Variants in DUOX1 observed in about 807,000 individuals in gnomAD.
The protein encoded by DUOX1 is NADPH thyroid oxidase 1.
A neutral mutation model predicts 181.8 loss-of-function variants in DUOX1; 134 were observed. The observed-to-expected ratio is 0.74, with a 90% CI of 0.64 to 0.85. The LOEUF (loss-of-function observed/expected upper bound fraction) is 0.85, where lower values mean the gene tolerates loss of function less well. DUOX1 is among the 40% of genes least tolerant of loss of function. The pLI, the probability that DUOX1 is intolerant of heterozygous loss-of-function variation, is 0.00. For missense variants in DUOX1, 1,814 were observed against 2,064.4 expected, an observed-to-expected ratio of 0.88 and a Z score of 2.35; for synonymous variants, 798 against 832.5, an observed-to-expected ratio of 0.96 and a Z score of 0.71.
At chr15:45,139,884 C>G (rs936844884) in intron 12 of DUOX1, 2 of 566,972 alleles carry the variant, frequency 3.5e-6, no homozygotes, top group Non-Finnish European at 6.2e-6. Context: ...GTTCTCTCCA[C>G]CCTCCTGAGT....
intron 9 of DUOX1, among the ~76,000 whole-genome samples, chr15:45,136,833 G>A (rs372869666): frequency 1.3e-5 from 2 of 151,300 alleles, no homozygotes; most frequent in East Asian, 3.9e-4. Flanking sequence ...TGCTGCTGGT[G>A]TAGATATTAC....
rs921386079 is a variant in DUOX1 at position 45,138,857 on chromosome 15, A to T, written c.1114-209A>T. 1.2e-5 allele frequency: 7 copies of T among 577,112 alleles called. No individual in the cohort carries two copies. In the African/African-American group the frequency reaches 1.3e-4, roughly 11 times the overall value. 35.7% of individuals were successfully genotyped at this position (577,112 alleles called of 1,614,324 possible). On this transcript the variant is annotated intron_variant, in intron 10 of 33. Coordinates refer to ENST00000389037, the MANE Select transcript of DUOX1 (RefSeq NM_175940.3). ...ATTTTAAGATCCCTTGTGCTTGTAT[A>T]GACCTCTGTCAGGCAGCACTGACAG...
intron 14 of DUOX1, 38 bp downstream of exon 14, chr15:45,141,448 T>C (rs1648283): frequency 8.7e-6 from 14 of 1,605,268 alleles, no homozygotes; most frequent in South Asian, 3.3e-5. Context: ...GTGGTGGGTC[T>C]GGAGCCTCGT....
chr15:45,139,367 G>T, intron 11 of DUOX1, 60 bp from the exon 12 acceptor site: 1 of 1,598,626 alleles, frequency 6.3e-7, no homozygotes, highest in Non-Finnish European at 8.5e-7. Context: ...TTGGGGCCTG[G>T]ACTGGACACT....
intron 23 of DUOX1, 37 bp from the exon 24 acceptor site, chr15:45,151,837 T>G: frequency 6.3e-7 from 1 of 1,587,864 alleles, no homozygotes; most frequent in South Asian, 1.1e-5. Flanking sequence ...TTGGGTCCCA[T>G]GGTGGGTGCC....
chr15:45,150,615 C>T lies in DUOX1; in HGVS notation c.2819-17C>T, dbSNP rs1157408935. Reference sequence around the variant, plus strand: ...TCTGGACCCTGAGCTGCTCCCTAGCCTGGCTCTGCTTTGCAGGGGTGGAGG... The same window carrying T: ...TCTGGACCCTGAGCTGCTCCCTAGCTTGGCTCTGCTTTGCAGGGGTGGAGG... On this transcript the variant is annotated splice_polypyrimidine_tract_variant and intron_variant, in intron 21 of 33. Coordinates refer to ENST00000389037, the MANE Select transcript of DUOX1 (RefSeq NM_175940.3). The T allele has an allele frequency of 1.2e-6, 2 of 1,613,406 alleles. No homozygotes were observed. The highest frequency in any genetic ancestry group is 2.2e-5 in the South Asian group (2 of 91,072).
At chr15:45,161,038 C>G (rs767537191) in intron 29 of DUOX1, 48 bp downstream of exon 29, 2 of 1,611,332 alleles carry the variant, frequency 1.2e-6, no homozygotes, top group African/African-American at 2.7e-5. Context: ...GGGAGCTGAC[C>G]GGGCAGAGGC....
Position 45,144,050 on chromosome 15 carries a change from G to A in DUOX1, c.1951G>A (p.Gly651Ser), listed in dbSNP as rs778247765. Residue 651 changes from glycine to serine, a missense_variant, in exon 17 of 34, where the codon GGC (glycine) becomes AGC (serine). This residue lies in a region of DUOX1 where 1,064 missense variants were observed against 1,152.9 expected (regional missense o/e 0.92). Transcript: ENST00000389037. Reference sequence around the variant, plus strand: ...TCTCCCCCTAGCTTTGGAATGGCAAGGCCACAAGGAGCCCTGCCGGCCCGT... The same window carrying A: ...TCTCCCCCTAGCTTTGGAATGGCAAAGCCACAAGGAGCCCTGCCGGCCCGT... ...VGGMEALEWQ[G>S]HKEPCRPVLV... 1 of 1,613,974 alleles carries A rather than the reference G, an allele frequency of 6.2e-7. No homozygotes were observed. Among genetic ancestry groups the A allele is most frequent in the Admixed American group, 1.7e-5 (1 of 60,024 alleles).
At position 45,152,252 on chromosome 15, in the gene DUOX1, G is replaced by A. The variant is rs762271978; in HGVS notation, c.3194-34G>A. 2.5e-6 allele frequency: 4 copies of A among 1,588,490 alleles called. No individual in the cohort carries two copies. In the South Asian group the frequency reaches 4.6e-5, roughly 18 times the overall value. On this transcript the variant is annotated intron_variant, in intron 24 of 33. Transcript: ENST00000389037. ...TAACCAGCTCTCTGTCCTCTGCACT[G>A]ACCCTCGCTTGCCTGCCTGGGCCCC... is the stretch of plus-strand genomic sequence containing the variant.
Position 45,150,627 on chromosome 15 carries a change from T to C in DUOX1, c.2819-5T>C, listed in dbSNP as rs1424751715. The C allele has an allele frequency of 1.2e-6, 2 of 1,613,730 alleles. No homozygotes were observed. Among genetic ancestry groups the C allele is most frequent in the Non-Finnish European group, 1.7e-6 (2 of 1,179,990 alleles). ...GCTGCTCCCTAGCCTGGCTCTGCTT[T>C]GCAGGGGTGGAGGTGCCTGAAGTCA... On this transcript the variant is annotated splice_region_variant and splice_polypyrimidine_tract_variant and intron_variant, in intron 21 of 33. Coordinates refer to ENST00000389037, the MANE Select transcript of DUOX1 (RefSeq NM_175940.3).
intron 23 of DUOX1, 80 bp from the exon 24 acceptor site, chr15:45,151,794 G>T: frequency 6.9e-7 from 1 of 1,446,020 alleles, no homozygotes; most frequent in African/African-American, 1.4e-5. Context: ...ACTTCTGGGC[G>T]GCTCACCTCC....
chr15:45,144,640 C>T (rs535136764), intron 17 of DUOX1, among the ~76,000 whole-genome samples: 3 of 152,340 alleles, frequency 2.0e-5, no homozygotes, highest in Admixed American at 6.5e-5. Context: ...CATCCTCTGG[C>T]CTTCCTGCCC....
At chr15:45,132,756 C>T (rs1006049200) in intron 2 of DUOX1, among the ~76,000 whole-genome samples, 1 of 152,216 alleles carries the variant, frequency 6.6e-6, no homozygotes, top group African/African-American at 2.4e-5. Flanking sequence ...TCTTCTTTCC[C>T]TAGCTTTGGA....
At chr15:45,163,991 C>T in intron 33 of DUOX1, 73 bp downstream of exon 33, 1 of 1,565,884 alleles carries the variant, frequency 6.4e-7, no homozygotes, top group Non-Finnish European at 8.7e-7. Context: ...CAAACCTTCC[C>T]CATCGAGGAA....
intron 23 of DUOX1, 79 bp from the exon 24 acceptor site, chr15:45,151,795 G>A: frequency 6.8e-7 from 1 of 1,460,236 alleles, no homozygotes; most frequent in Non-Finnish European, 9.3e-7. Flanking sequence ...CTTCTGGGCG[G>A]CTCACCTCCG....
In DUOX1 at chr15:45,132,149, C is replaced by T. The variant is rs1896174663; in HGVS notation, c.58+125C>T. ...TTTAGTCTCTAGCTGACACAGTGCC[C>T]TGCACATGAGAGTTGCTCATTTCTA... On this transcript the variant is annotated intron_variant, in intron 2 of 33. Coordinates refer to ENST00000389037, the MANE Select transcript of DUOX1 (RefSeq NM_175940.3). 7 of 815,980 alleles carry T rather than the reference C, an allele frequency of 8.6e-6. No individual in the cohort carries two copies. In the East Asian group the frequency reaches 1.9e-4, roughly 22 times the overall value. The allele number at this position is 815,980 out of a possible 1,614,324, so 50.5% of individuals were successfully genotyped here. A position where few individuals can be genotyped will look rare whatever the true frequency, so the allele number is the denominator to read the frequency against.
At chr15:45,148,519 G>C in intron 21 of DUOX1, 72 bp downstream of exon 21, 3 of 1,479,584 alleles carry the variant, frequency 2.0e-6, no homozygotes, top group Non-Finnish European at 2.7e-6. Flanking sequence ...ATACTTTTAG[G>C]AGTCCACAGA....
rs780532237 is a variant in DUOX1 at position 45,151,199 on chromosome 15, C to T, written c.2965C>T (p.Pro989Ser). The T allele has an allele frequency of 1.1e-5, 18 of 1,614,172 alleles. No individual in the cohort carries two copies. Among genetic ancestry groups the T allele is most frequent in the South Asian group, 7.7e-5 (7 of 91,084 alleles). ...TELTPQRLQC[P>S]MDTDPPQEIR... ...GTTGACACCTCAGAGACTGCAGTGC[C>T]CCATGGACACAGACCCTCCCCAGGA... Residue 989 changes from proline to serine, a missense_variant, in exon 23 of 34, where the codon CCC becomes TCC. Pro to Ser is a moderately conservative substitution (Grantham distance 74). Transcript: ENST00000389037.
intron 7 of DUOX1, 50 bp from the exon 8 acceptor site, chr15:45,136,300 G>C (rs748214906): frequency 6.2e-7 from 1 of 1,611,484 alleles, no homozygotes; most frequent in East Asian, 2.2e-5. Context: ...ACCCTTCCAG[G>C]TCCCTCCCCA....
Sources: gnomAD v4.1 joint callset for allele counts (sites outside exome capture counted in the v4.1 genomes callset) on GRCh38, gnomAD v4.1.1 for gene constraint, gnomAD v4.1.1 regional missense constraint, MANE v1.5 for transcripts, NCBI Gene and HGNC (gene_info 2026-07-23, HGNC 2026-07-21) for gene names.